The following RNF150 variants were observed in gnomAD, a reference collection of about 807,000 sequenced individuals.
The protein encoded by RNF150 is ring finger protein 150.
RNF150 carries 24 observed loss-of-function variants against 39.3 expected under a neutral mutation model. That is an observed-to-expected ratio of 0.61 (90% confidence interval 0.44 to 0.86). The LOEUF is 0.86. Among genes scored for constraint, RNF150 ranks in the 40% least tolerant of loss-of-function variants. RNF150 has a pLI of 0.00. For synonymous variants in RNF150, 255 were observed against 227.3 expected (o/e 1.12, Z -1.10); for missense variants, 502 against 587.8 (o/e 0.85, Z 1.51).
At chr4:141,138,044 C>A (rs1008821349), upstream of RNF150, among the ~76,000 whole-genome samples, 2 of 152,210 alleles carry the variant, frequency 1.3e-5, no homozygotes, top group African/African-American at 4.8e-5. Context: ...GCCCATTTCT[C>A]TGAGTGTCAG....
intron 5 of RNF150, among the ~76,000 whole-genome samples, chr4:140,912,626 C>A (rs1224404244): frequency 2.0e-5 from 3 of 152,136 alleles, no homozygotes; most frequent in Non-Finnish European, 4.4e-5. Flanking sequence ...CTGTATAATG[C>A]CAGTCTCCTG....
At chr4:141,103,296 C>T (rs1488180254) in intron 1 of RNF150, among the ~76,000 whole-genome samples, 2 of 152,170 alleles carry the variant, frequency 1.3e-5, no homozygotes, top group African/African-American at 4.8e-5. Context: ...AAAGACTAGC[C>T]TCCGAGTTGT....
intron 1 of RNF150, among the ~76,000 whole-genome samples, chr4:141,092,853 C>T (rs747890891): frequency 4.6e-5 from 7 of 151,290 alleles, no homozygotes; most frequent in African/African-American, 7.3e-5. Context: ...AAATTAATTC[C>T]TATATAAAAC....
intron 1 of RNF150, among the ~76,000 whole-genome samples, chr4:141,045,679 G>A (rs1736549102): frequency 6.6e-6 from 1 of 152,006 alleles, no homozygotes; most frequent in Non-Finnish European, 1.5e-5. Context: ...GAGTAGCTCG[G>A]ATTACAGGCG....
Position 141,192,743 on chromosome 4 carries a change from T to G in RNF150, c.-6+20051A>C, listed in dbSNP as rs79688327. ...ACCCTGCCAGGGTATAATCCCTCATTGGCTTGCCAACCTAATGCTCTTGTG... is the reference window on the plus strand; with the variant it reads ...ACCCTGCCAGGGTATAATCCCTCATGGGCTTGCCAACCTAATGCTCTTGTG... On this transcript the variant is annotated intron_variant, in intron 1 of 7. Coordinates refer to the RNF150 transcript ENST00000420921. Among the ~76,000 whole-genome samples, 744 of 152,324 alleles carry G rather than the reference T, an allele frequency of 4.9e-3. 1 individual carries two copies. The highest frequency in any genetic ancestry group is 6.9e-3 in the Non-Finnish European group (471 of 68,028).
intron 1 of RNF150, among the ~76,000 whole-genome samples, chr4:141,108,761 A>T (rs1739294052): frequency 6.6e-6 from 1 of 152,234 alleles, no homozygotes; most frequent in African/African-American, 2.4e-5. Context: ...TTTGCCCAAA[A>T]TTAATTGCAT....
chr4:141,067,810 A>G (rs1031339609), intron 1 of RNF150, among the ~76,000 whole-genome samples: 2 of 152,232 alleles, frequency 1.3e-5, no homozygotes, highest in South Asian at 4.1e-4. Context: ...GATAGGAAAC[A>G]TACATGTCAA....
At position 141,111,410 on chromosome 4, in the gene RNF150, T is replaced by A. The variant is rs144321896; in HGVS notation, c.484+20915A>T. ...TTTGTGGTTAATTAAAAAGTAAGTA[T>A]TATCTGGATAATTTCGATGATATAG... is the stretch of plus-strand genomic sequence containing the variant. On this transcript the variant is annotated intron_variant, in intron 1 of 6. Transcript: ENST00000515673. Among the ~76,000 whole-genome samples the A allele has an allele frequency of 1.3e-3, 201 of 152,316 alleles. 1 individual carries two copies. The highest frequency in any genetic ancestry group is 4.4e-3 in the African/African-American group (182 of 41,572).
intron 1 of RNF150, among the ~76,000 whole-genome samples, chr4:140,976,791 A>C (rs868672841): frequency 6.6e-6 from 1 of 151,968 alleles, no homozygotes; most frequent in African/African-American, 2.4e-5. Flanking sequence ...CTGCCCTACA[A>C]AATTTGCTTT....
At chr4:141,071,162 C>G (rs1737684020) in intron 1 of RNF150, among the ~76,000 whole-genome samples, 1 of 139,760 alleles carries the variant, frequency 7.2e-6, no homozygotes, top group African/African-American at 2.7e-5. Context: ...TATTCTCACT[C>G]ATAGGTGGGA....
rs1444784985 is a variant in RNF150, at chr4:140,863,215, TGAG to T, written c.*5043_*5045del. On this transcript the variant is annotated 3_prime_UTR_variant, in exon 7 of 7. Transcript: ENST00000515673. The stretch of plus-strand genomic sequence containing the variant: ...TCCTAACCCTGGGGGCTCAGGCGAA[TGAG>T]GAGGGTCAAATGCTGAGGGTGGGAG... 2 of 152,136 alleles carry T rather than the reference TGAG, an allele frequency of 1.3e-5. No homozygotes were observed. Among genetic ancestry groups the T allele is most frequent in the Admixed American group, 1.3e-4 (2 of 15,278 alleles). The allele number at this position is 152,136 out of a possible 1,614,324, so 9.4% of individuals were successfully genotyped here.
chr4:140,932,958 T>G (rs910809281), intron 4 of RNF150, among the ~76,000 whole-genome samples: 2 of 152,234 alleles, frequency 1.3e-5, no homozygotes, highest in Non-Finnish European at 2.9e-5. Context: ...TGAGATATCC[T>G]TGCTGTGTTA....
intron 6 of RNF150, among the ~76,000 whole-genome samples, chr4:140,884,195 A>C (rs754450635): frequency 5.6e-4 from 83 of 148,012 alleles, no homozygotes; most frequent in Non-Finnish European, 8.0e-4. Flanking sequence ...TCCTAATTAT[A>C]TCCAGCTGTC....
chr4:141,150,714 T>C (rs1184297629), intron 1 of RNF150, among the ~76,000 whole-genome samples: 7 of 152,310 alleles, frequency 4.6e-5, no homozygotes, highest in African/African-American at 1.4e-4. Flanking sequence ...TAACATAGTA[T>C]ATTGTTTACT....
At chr4:141,026,383 T>C (rs187937154) in intron 1 of RNF150, among the ~76,000 whole-genome samples, 103 of 152,356 alleles carry the variant, frequency 6.8e-4, no homozygotes, top group African/African-American at 2.4e-3. Flanking sequence ...ACGAATCTTA[T>C]AGCAGTGCTA....
chr4:140,990,012 C>T (rs905478669), intron 1 of RNF150, among the ~76,000 whole-genome samples: 16 of 152,184 alleles, frequency 1.1e-4, no homozygotes, highest in Non-Finnish European at 2.9e-5. Context: ...TTCTTTCTTT[C>T]CTTTGGACCT....
At chr4:141,212,043 A>T (rs1728476726) in intron 1 of RNF150, among the ~76,000 whole-genome samples, 1 of 152,206 alleles carries the variant, frequency 6.6e-6, no homozygotes, top group Non-Finnish European at 1.5e-5. Context: ...TCTGATTTAA[A>T]TGTCTCACTT....
Position 140,866,980 on chromosome 4 carries a change from T to C in RNF150, c.*1281A>G, listed in dbSNP as rs1411370546. 2 of 152,236 alleles carry C rather than the reference T, an allele frequency of 1.3e-5. No homozygotes were observed. The highest frequency in any genetic ancestry group is 2.4e-5 in the African/African-American group (1 of 41,466). The allele number at this position is 152,236 out of a possible 1,614,324, so 9.4% of individuals were successfully genotyped here. The stretch of plus-strand genomic sequence containing the variant: ...AGTATTTACTTGATACCTCTTTTCC[T>C]TTCCCTCTTACTTTGTCTATTTCAG... On this transcript the variant is annotated 3_prime_UTR_variant, in exon 7 of 7. Transcript: ENST00000515673.
intron 1 of RNF150, among the ~76,000 whole-genome samples, chr4:141,094,238 G>T (rs1315584218): frequency 9.9e-6 from 1 of 101,462 alleles, no homozygotes; most frequent in South Asian, 3.1e-4. Context: ...CTGAGTAATG[G>T]GATCTACACC....
Sources: gnomAD v4.1 joint callset for allele counts (sites outside exome capture counted in the v4.1 genomes callset) on GRCh38, gnomAD v4.1.1 for gene constraint, MANE v1.5 for transcripts, NCBI Gene and HGNC (gene_info 2026-07-23, HGNC 2026-07-21) for gene names.